The following SLC2A13 variants were observed in gnomAD, a reference collection of about 807,000 sequenced individuals.
SLC2A13 encodes the protein solute carrier family 2 member 13.
SLC2A13 carries 32 observed loss-of-function variants against 64.4 expected under a neutral mutation model. The ratio of observed to expected loss-of-function variants is 0.50; its 90% CI spans 0.37 to 0.67. The LOEUF (loss-of-function observed/expected upper bound fraction) is 0.67, where lower values mean the gene tolerates loss of function less well. Among genes scored for constraint, SLC2A13 ranks in the 30% least tolerant of loss-of-function variants. SLC2A13 has a pLI of 0.00. For missense variants in SLC2A13, 743 were observed against 829.2 expected, an observed-to-expected ratio of 0.90 and a Z score of 1.28; for synonymous variants, 338 against 327.1, an observed-to-expected ratio of 1.03 and a Z score of -0.36.
intron 3 of SLC2A13, among the ~76,000 whole-genome samples, chr12:39,961,115 G>C (rs1946405547): frequency 7.1e-6 from 1 of 141,210 alleles, no homozygotes. Flanking sequence ...GTCTCGCTCT[G>C]TCATCAGGCT....
chr12:39,808,271 C>T (rs1942038006), intron 7 of SLC2A13, among the ~76,000 whole-genome samples: 2 of 152,140 alleles, frequency 1.3e-5, no homozygotes, highest in African/African-American at 4.8e-5. Context: ...GGTTACTGGA[C>T]ATATCAGTAA....
rs779998613 is a variant in SLC2A13 at position 39,951,362 on chromosome 12, C to T, written c.929G>A (p.Gly310Glu). 1.3e-5 allele frequency: 20 copies of T among 1,554,960 alleles called. No individual in the cohort carries two copies. The highest frequency in any genetic ancestry group is 1.6e-5 in the Non-Finnish European group (19 of 1,157,816). ...ACTCAGCATTCTGCAGATCACAGGT[C>T]CAGCTTTTTTAAGAAAGAAAGAAAA... ...EEEEKEVGSA[G>E]PVICRMLSYP... Residue 310 changes from glycine to glutamate, a missense_variant, in exon 4 of 10, where the codon GGA becomes GAA. Transcript: ENST00000280871.
chr12:39,863,346 T>C (rs1267346181), intron 6 of SLC2A13, among the ~76,000 whole-genome samples: 1 of 152,148 alleles, frequency 6.6e-6, no homozygotes, highest in African/African-American at 2.4e-5. Flanking sequence ...TGTAAATCAC[T>C]AAAAACTTAC....
intron 4 of SLC2A13, among the ~76,000 whole-genome samples, chr12:39,886,575 A>G (rs1944471538): frequency 6.6e-6 from 1 of 151,932 alleles, no homozygotes; most frequent in Admixed American, 6.6e-5. Context: ...TCTGAAAAAT[A>G]GAAAGAATTA....
rs1265002862 is a variant in SLC2A13 at position 39,761,134 on chromosome 12, G to A, written c.1721-882C>T. Among the ~76,000 whole-genome samples the A allele has an allele frequency of 3.3e-5, 5 of 152,140 alleles. No individual in the cohort carries two copies. The East Asian group carries it at 7.8e-4, about 24-fold the overall frequency. On this transcript the variant is annotated intron_variant, in intron 9 of 9. Coordinates refer to ENST00000280871, the MANE Select transcript of SLC2A13 (RefSeq NM_052885.4). ...AAGATGAAAAACTAATGTGACAATT[G>A]GCTGGAGAAAGGATATCAGACTGGG...
chr12:39,805,023 A>AGG (rs1262919135), intron 7 of SLC2A13, among the ~76,000 whole-genome samples: 3 of 152,024 alleles, frequency 2.0e-5, no homozygotes, highest in Non-Finnish European at 4.4e-5. Flanking sequence ...AGCCTGCTGG[A>AGG]GAGAGAAGCC....
rs1237932716 is a variant in SLC2A13 at position 40,024,862 on chromosome 12, A to C, written c.925+3439T>G. 4.6e-5 allele frequency among the ~76,000 whole-genome samples: 7 copies of C among 152,302 alleles called. No individual in the cohort carries two copies. The East Asian group carries it at 9.6e-4, about 21-fold the overall frequency. ...TCTGGTTTTCTTTTCTTACAAACCT[A>C]AAAAGAAACTGAGGCGCGGCAACTC... On this transcript the variant is annotated intron_variant, in intron 3 of 9. Coordinates refer to ENST00000280871, the MANE Select transcript of SLC2A13 (RefSeq NM_052885.4).
intron 4 of SLC2A13, among the ~76,000 whole-genome samples, chr12:39,909,440 T>C (rs1945371791): frequency 6.6e-6 from 1 of 152,122 alleles, no homozygotes; most frequent in African/African-American, 2.4e-5. Flanking sequence ...TTTGGTGCTC[T>C]TTGTTTTGCC....
rs138965998 is a variant in SLC2A13, at chr12:39,966,042, CAT to C, written c.926-14679_926-14678del. 2.7e-5 allele frequency among the ~76,000 whole-genome samples: 4 copies of C among 150,516 alleles called. No homozygotes were observed. In the East Asian group the frequency reaches 7.8e-4, roughly 29 times the overall value. ...AAGGAGGTCATTAAAATCTTTTTTT[CAT>C]ATATATATACATATATATATGATAC... On this transcript the variant is annotated intron_variant, in intron 3 of 9. Coordinates refer to ENST00000280871, the MANE Select transcript of SLC2A13 (RefSeq NM_052885.4).
chr12:39,965,773 G>A (rs1946500377), intron 3 of SLC2A13, among the ~76,000 whole-genome samples: 1 of 151,978 alleles, frequency 6.6e-6, no homozygotes, highest in Non-Finnish European at 1.5e-5. Flanking sequence ...TGATTTGAAG[G>A]CAAACCTATG....
intron 1 of SLC2A13, among the ~76,000 whole-genome samples, chr12:40,077,485 T>G (rs1283983564): frequency 6.6e-6 from 1 of 152,130 alleles, no homozygotes; most frequent in Non-Finnish European, 1.5e-5. Context: ...TATTTCTGGG[T>G]TCTCTAACCT....
chr12:39,839,704 T>C (rs1943128718), intron 6 of SLC2A13, among the ~76,000 whole-genome samples: 3 of 152,058 alleles, frequency 2.0e-5, no homozygotes. Flanking sequence ...CTACTTTCAT[T>C]GCTTTGCTGG....
chr12:39,869,357 C>T (rs1943986808), intron 5 of SLC2A13, among the ~76,000 whole-genome samples: 1 of 152,200 alleles, frequency 6.6e-6, no homozygotes, highest in Admixed American at 6.5e-5. Context: ...ACATGAATGG[C>T]ACCATTTACT....
At position 40,057,714 on chromosome 12, in the gene SLC2A13, T is replaced by C. The variant is rs112083065; in HGVS notation, c.557-9504A>G. On this transcript the variant is annotated intron_variant, in intron 1 of 9. Transcript: ENST00000280871. ...TAACTGGTCTTTTTCTGTTCTAGCA[T>C]GTGATAACAATGGCTAAGAATTTTA... is the stretch of plus-strand genomic sequence containing the variant. 8.5e-5 allele frequency among the ~76,000 whole-genome samples: 13 copies of C among 152,324 alleles called. 2 individuals carry two copies. The highest frequency in any genetic ancestry group is 2.9e-4 in the African/African-American group (12 of 41,592).
chr12:39,907,072 TTGAC>T (rs1488820531), intron 4 of SLC2A13, among the ~76,000 whole-genome samples: 5 of 152,158 alleles, frequency 3.3e-5, no homozygotes, highest in African/African-American at 1.2e-4. Context: ...AAGTAGAAGT[TTGAC>T]TGTATTTACA....
chr12:39,828,382 GTGCAGT>G (rs1942750979), intron 7 of SLC2A13, among the ~76,000 whole-genome samples: 1 of 150,944 alleles, frequency 6.6e-6, no homozygotes, highest in Non-Finnish European at 1.5e-5. Context: ...TCTAATTTAT[GTGCAGT>G]TACAGGATGA....
chr12:39,806,943 T>C (rs1170596526), intron 7 of SLC2A13, among the ~76,000 whole-genome samples: 1 of 152,192 alleles, frequency 6.6e-6, no homozygotes, highest in Non-Finnish European at 1.5e-5. Context: ...CAGAGAATTA[T>C]GCTGAGAAAA....
At chr12:39,915,170 A>T (rs766979704) in intron 4 of SLC2A13, among the ~76,000 whole-genome samples, 57 of 152,150 alleles carry the variant, frequency 3.7e-4, no homozygotes, top group Non-Finnish European at 7.9e-4. Context: ...AGTCAGTGGG[A>T]CAAGATTTCT....
rs905416778 is a variant in SLC2A13, at chr12:39,758,008, C to T, written c.*2018G>A. 7 of 151,432 alleles carry T rather than the reference C, an allele frequency of 4.6e-5. No homozygotes were observed. The highest frequency in any genetic ancestry group is 1.0e-4 in the Non-Finnish European group (7 of 67,554). 9.4% of individuals were successfully genotyped at this position (151,432 alleles called of 1,614,324 possible). On this transcript the variant is annotated 3_prime_UTR_variant, in exon 10 of 10. Transcript: ENST00000280871. ...GTAGCTTATTTTTCACTTCAATTTA[C>T]CTGTGTAAAATATTAGATAAGAAAT...
Sources: gnomAD v4.1 joint callset for allele counts (sites outside exome capture counted in the v4.1 genomes callset) on GRCh38, gnomAD v4.1.1 for gene constraint, MANE v1.5 for transcripts, NCBI Gene and HGNC (gene_info 2026-07-23, HGNC 2026-07-21) for gene names.